The following HARBI1 variants were observed in gnomAD, a reference collection of about 807,000 sequenced individuals.
HARBI1 encodes the protein putative nuclease HARBI1.
In HARBI1, 15 loss-of-function variants were observed where a neutral mutation model predicts 25.3. The observed-to-expected ratio is 0.59, with a 90% CI of 0.40 to 0.91. The LOEUF (loss-of-function observed/expected upper bound fraction) is 0.91, where lower values mean the gene tolerates loss of function less well. Ranked by LOEUF, HARBI1 falls within the 40% of genes least tolerant of loss-of-function variation. The pLI is 0.00. For synonymous variants in HARBI1, 168 were observed against 160.5 expected, an observed-to-expected ratio of 1.05 and a Z score of -0.35; for missense variants, 396 against 445.8, an observed-to-expected ratio of 0.89 and a Z score of 1.01.
intron 2 of HARBI1, among the ~76,000 whole-genome samples, chr11:46,612,568 C>G (rs569804974): frequency 1.3e-5 from 2 of 152,044 alleles, no homozygotes; most frequent in Non-Finnish European, 2.9e-5. Flanking sequence ...GGAACTCGGG[C>G]AGATCTGTGA....
rs749157398 is a variant in HARBI1, at chr11:46,603,602, A to C, written c.978T>G (p.Tyr326Ter). 6 of 1,614,102 alleles carry C rather than the reference A, an allele frequency of 3.7e-6. No homozygotes were observed. The highest frequency in any genetic ancestry group is 2.2e-5 in the South Asian group (2 of 91,072). ...GPMEQPPEEEYEHMESLDLEA... is the reference protein window; with the variant it reads ...GPMEQPPEEE Reference sequence around the variant, plus strand: ...CTAAGTCCAGGGACTCCATGTGCTCATACTCCTCTTCCGGGGGCTGTTCCA... The same window carrying C: ...CTAAGTCCAGGGACTCCATGTGCTCCTACTCCTCTTCCGGGGGCTGTTCCA... The change falls in exon 3 of 3, where the codon TAT becomes TAG. Residue 326 changes from tyrosine to a stop codon, truncating the protein, a stop_gained. Coordinates refer to ENST00000326737, the MANE Select transcript of HARBI1 (RefSeq NM_173811.4). LOFTEE classifies it high-confidence loss of function.
In HARBI1 at chr11:46,615,621, GAC is replaced by G; in HGVS notation, c.615_616del (p.Gln205HisfsTer5). On this transcript the variant is annotated frameshift_variant, in exon 2 of 3. Transcript: ENST00000326737. LOFTEE classifies it high-confidence loss of function. ...CGCTTCAAACTGACTACTGAGGGAAGACTGCTGCAGCACAGCACAGTCCTGTA... is the reference window on the plus strand; with the variant it reads ...CGCTTCAAACTGACTACTGAGGGAAGTGCTGCAGCACAGCACAGTCCTGTA... The G allele has an allele frequency of 3.1e-6, 5 of 1,614,238 alleles. No homozygotes were observed. The highest frequency in any genetic ancestry group is 4.2e-6 in the Non-Finnish European group (5 of 1,180,054).
intron 2 of HARBI1, among the ~76,000 whole-genome samples, chr11:46,610,411 A>G (rs944978888): frequency 2.6e-5 from 4 of 151,428 alleles, no homozygotes; most frequent in Non-Finnish European, 4.4e-5. Flanking sequence ...CTGTAATCCC[A>G]GCACTTTGGG....
At position 46,603,848 on chromosome 11, in the gene HARBI1, T is replaced by A. The variant is rs764752529; in HGVS notation, c.732A>T (p.Pro244=). The change falls in exon 3 of 3, where the codon CCA becomes CCT. Residue 244 remains proline, a synonymous_variant. Coordinates refer to ENST00000326737, the MANE Select transcript of HARBI1 (RefSeq NM_173811.4). ...GGGCCATGTTATAGCGATATTCTGC[T>A]GGAGTTTCAGGAATGTGAAGTGGGG... The part of the protein sequence containing the change: ...LMTPLHIPET[P]AEYRYNMAHS... 1.1e-5 allele frequency: 17 copies of A among 1,613,956 alleles called. No homozygotes were observed. Among genetic ancestry groups the A allele is most frequent in the Non-Finnish European group, 1.4e-5 (16 of 1,180,008 alleles).
upstream of HARBI1, chr11:46,617,541 C>CCG (rs1555032882): frequency 1.1e-5 from 1 of 90,860 alleles, no homozygotes; most frequent in Non-Finnish European, 2.1e-5. Flanking sequence ...CCCTCTTTCA[C>CCG]CCCCCCCCCC....
Position 46,615,625 on chromosome 11 carries a change from G to C in HARBI1, c.613C>G (p.Gln205Glu), listed in dbSNP as rs540421345. Residue 205 changes from glutamine (Q) to glutamate (E), a missense_variant, in exon 2 of 3, where the codon CAG (glutamine) becomes GAG (glutamate). By Grantham distance (29) the Gln-to-Glu change is conservative. Coordinates refer to ENST00000326737, the MANE Select transcript of HARBI1 (RefSeq NM_173811.4). ...GSLQDCAVLQ[Q>E]SSLSSQFEAG... ...TCAAACTGACTACTGAGGGAAGACT[G>C]CTGCAGCACAGCACAGTCCTGTAGG... 1.2e-6 allele frequency: 2 copies of C among 1,614,186 alleles called. No individual in the cohort carries two copies. Among genetic ancestry groups the C allele is most frequent in the East Asian group, 4.5e-5 (2 of 44,892 alleles).
intron 2 of HARBI1, 53 bp downstream of exon 2, chr11:46,615,515 C>T: frequency 6.6e-7 from 1 of 1,517,520 alleles, no homozygotes; most frequent in South Asian, 1.2e-5. Context: ...CCCCAGCCTA[C>T]ATAACTTTTC....
At position 46,603,078 on chromosome 11, in the gene HARBI1, C is replaced by G. The variant is rs1418933498; in HGVS notation, c.*452G>C. On this transcript the variant is annotated 3_prime_UTR_variant, in exon 3 of 3. Transcript: ENST00000326737. ...CCAGGCTGGTCTTAACTCCTGAACT[C>G]AGGTGATCCGCCCGCCTCGGCCTCC... 1 of 153,590 alleles carries G rather than the reference C, an allele frequency of 6.5e-6. No homozygotes were observed. Among genetic ancestry groups the G allele is most frequent in the Non-Finnish European group, 1.4e-5 (1 of 69,206 alleles). The allele number at this position is 153,590 out of a possible 1,614,324, so 9.5% of individuals were successfully genotyped here. A position where few individuals can be genotyped will look rare whatever the true frequency, so the allele number is the denominator to read the frequency against.
At chr11:46,604,745 A>G (rs2044873100) in intron 2 of HARBI1, 2 of 977,504 alleles carry the variant, frequency 2.0e-6, no homozygotes, top group South Asian at 9.5e-5. Flanking sequence ...CTTCCTATAT[A>G]TCACAATTAC....
In HARBI1 at chr11:46,617,194, C is replaced by A; in HGVS notation, c.-215G>T. ...GCCGGGTTGGGCCCTCCTCCGGAAC[C>A]GGCGACTGCACAGAGGCCGCCACGG... On this transcript the variant is annotated 5_prime_UTR_variant, in exon 1 of 3. Transcript: ENST00000326737. 5.6e-6 allele frequency: 1 copy of A among 177,354 alleles called. No individual in the cohort carries two copies. Among genetic ancestry groups the A allele is most frequent in the Non-Finnish European group, 1.1e-5 (1 of 90,946 alleles). The allele number at this position is 177,354 out of a possible 1,614,324, so 11.0% of individuals were successfully genotyped here.
At chr11:46,616,457 T>A in intron 1 of HARBI1, 76 bp from the exon 2 acceptor site, 1 of 1,361,776 alleles carries the variant, frequency 7.3e-7, no homozygotes, top group Non-Finnish European at 9.4e-7. Context: ...AGCAGCTCCT[T>A]TTCTACAAAT....
intron 2 of HARBI1, among the ~76,000 whole-genome samples, chr11:46,606,182 G>A (rs1202268351): frequency 6.6e-6 from 1 of 151,926 alleles, no homozygotes; most frequent in African/African-American, 2.4e-5. Flanking sequence ...CACCACGCCC[G>A]GCCATAACCT....
At position 46,616,362 on chromosome 11, in the gene HARBI1, T is replaced by G; in HGVS notation, c.-125A>C. 2 of 1,466,652 alleles carry G rather than the reference T, an allele frequency of 1.4e-6. No homozygotes were observed. The highest frequency in any genetic ancestry group is 1.8e-6 in the Non-Finnish European group (2 of 1,118,242). 90.9% of individuals were successfully genotyped at this position (1,466,652 alleles called of 1,614,324 possible). A position where few individuals can be genotyped will look rare whatever the true frequency, so the allele number is the denominator to read the frequency against. The stretch of plus-strand genomic sequence containing the variant: ...ACAGCTAACCACAGTTAAATGGCTC[T>G]GCCATTTATAATCTTCTCTCTGTAA... On this transcript the variant is annotated 5_prime_UTR_variant, in exon 2 of 3. Transcript: ENST00000326737.
intron 2 of HARBI1, among the ~76,000 whole-genome samples, chr11:46,612,218 T>C (rs1418008571): frequency 1.3e-5 from 2 of 152,066 alleles, no homozygotes; most frequent in East Asian, 3.9e-4. Flanking sequence ...GCTACTGGTA[T>C]TATGAGCCTG....
chr11:46,616,014 G>C lies in HARBI1; in HGVS notation c.224C>G (p.Ala75Gly), dbSNP rs1416864857. The change falls in exon 2 of 3, where the codon GCA becomes GGA. Residue 75 changes from alanine to glycine, a missense_variant. Physicochemically the swap from Ala to Gly is moderately conservative, Grantham distance 60. Transcript: ENST00000326737. ...ACCTGAGGTATAAAAACCCAATGCT[G>C]CAAGGACCTGTGTCTCTGGGCTAAT... Reference protein sequence around the residue: ...RAISPETQVLAALGFYTSGSF... With the variant: ...RAISPETQVLGALGFYTSGSF... 8 of 1,614,056 alleles carry C rather than the reference G, an allele frequency of 5.0e-6. No individual in the cohort carries two copies. In the Admixed American group the frequency reaches 1.2e-4, roughly 24 times the overall value.
chr11:46,611,001 ACT>A (rs1282181672), intron 2 of HARBI1, among the ~76,000 whole-genome samples: 9 of 142,216 alleles, frequency 6.3e-5, no homozygotes, highest in Non-Finnish European at 7.6e-5. Flanking sequence ...TTATTATTTA[ACT>A]CTTTTTTTTT....
chr11:46,613,773 G>C (rs1665537172), intron 2 of HARBI1, among the ~76,000 whole-genome samples: 1 of 151,890 alleles, frequency 6.6e-6, no homozygotes, highest in Admixed American at 6.6e-5. Context: ...GTGAGCTACC[G>C]CACCCAGCAG....
intron 2 of HARBI1, among the ~76,000 whole-genome samples, chr11:46,609,848 GA>G (rs1259613794): frequency 3.6e-5 from 5 of 139,610 alleles, no homozygotes; most frequent in Non-Finnish European, 6.2e-5. Flanking sequence ...ATAAATAAAA[GA>G]ATTTTTTTTT....
intron 2 of HARBI1, among the ~76,000 whole-genome samples, chr11:46,613,531 G>A (rs529304691): frequency 1.4e-5 from 2 of 138,144 alleles, no homozygotes; most frequent in South Asian, 4.6e-4. Flanking sequence ...TGCCCAGGCT[G>A]GAGTGCAGTG....
Sources: allele counts gnomAD v4.1 joint callset (sites outside exome capture counted in the v4.1 genomes callset), GRCh38; gene constraint gnomAD v4.1.1; transcripts MANE v1.5; gene names NCBI Gene and HGNC (gene_info 2026-07-23, HGNC 2026-07-21).